The following CREB5 variants were observed in gnomAD, a reference collection of about 807,000 sequenced individuals.
CREB5 encodes cAMP responsive element binding protein 5, also known as cyclic AMP-responsive element-binding protein 5.
In CREB5, 19 loss-of-function variants were observed where a neutral mutation model predicts 57.1. The observed-to-expected ratio is 0.33, with a 90% confidence interval of 0.23 to 0.49. The LOEUF (loss-of-function observed/expected upper bound fraction) is 0.49, where lower values mean the gene tolerates loss of function less well. Among genes scored for constraint, CREB5 ranks in the 20% least tolerant of loss-of-function variants. CREB5 has a pLI of 0.99. For synonymous variants in CREB5, 238 were observed against 238.3 expected, an observed-to-expected ratio of 1.00 and a Z score of 0.01; for missense variants, 579 against 671.6, an observed-to-expected ratio of 0.86 and a Z score of 1.52.
At chr7:28,377,697 G>A (rs1035812347) in intron 1 of CREB5, among the ~76,000 whole-genome samples, 1 of 151,848 alleles carries the variant, frequency 6.6e-6, no homozygotes, top group Non-Finnish European at 1.5e-5. Flanking sequence ...GTAAGCTGAA[G>A]ATTAGAATTA....
At chr7:28,549,398 T>G (rs1195140796) in intron 4 of CREB5, among the ~76,000 whole-genome samples, 2 of 152,330 alleles carry the variant, frequency 1.3e-5, no homozygotes, top group East Asian at 1.9e-4. Context: ...ACATTAAACA[T>G]GAATGATTAG....
chr7:28,413,687 C>T (rs1787906271), intron 1 of CREB5, among the ~76,000 whole-genome samples: 1 of 152,152 alleles, frequency 6.6e-6, no homozygotes, highest in Admixed American at 6.5e-5. Flanking sequence ...TTTATTAGAA[C>T]ATTCCAACAA....
intron 1 of CREB5, among the ~76,000 whole-genome samples, chr7:28,302,525 T>A (rs1049037535): frequency 6.6e-6 from 1 of 152,192 alleles, no homozygotes; most frequent in South Asian, 2.1e-4. Flanking sequence ...CTGGAGGAGA[T>A]ATTAGATTTT....
intron 1 of CREB5, among the ~76,000 whole-genome samples, chr7:28,350,162 A>C (rs1420312646): frequency 6.6e-6 from 1 of 152,218 alleles, no homozygotes; most frequent in Non-Finnish European, 1.5e-5. Flanking sequence ...CAAGGAGTAA[A>C]CTAAGAAAAT....
In CREB5 at chr7:28,369,508, G is replaced by A. The variant is rs566335141; in HGVS notation, c.-25+70067G>A. Among the ~76,000 whole-genome samples, 4 of 152,320 alleles carry A rather than the reference G, an allele frequency of 2.6e-5. No homozygotes were observed. In the South Asian group the frequency reaches 8.3e-4, roughly 32 times the overall value. On this transcript the variant is annotated intron_variant, in intron 1 of 9. Transcript: ENST00000396299. ...TCTTTACATCCCAGTTTCCTCATAT[G>A]TAAAATGGAGATAACTTCTAGGATT...
rs139222705 is a variant in CREB5 at position 28,486,670 on chromosome 7, T to TTATATATATATATATATATATATATA, written c.4-1482_4-1481insATATATATATATATATATATATATAT. Among the ~76,000 whole-genome samples the TTATATATATATATATATATATATATA allele has an allele frequency of 7.4e-3, 654 of 88,822 alleles. 40 individuals are homozygous for TTATATATATATATATATATATATATA. The highest frequency in any genetic ancestry group is 8.9e-3 in the Non-Finnish European group (384 of 43,164). The allele number at this position is 88,822 out of a possible 152,430, so 58.3% of individuals were successfully genotyped here. A position where few individuals can be genotyped will look rare whatever the true frequency, so the allele number is the denominator to read the frequency against. On this transcript the variant is annotated intron_variant, in intron 1 of 10. Transcript: ENST00000357727. ...AACTAAACGTGTATCTCCTATGATTTTATATATATATATATATATATATGT... is the reference window on the plus strand; with the variant it reads ...AACTAAACGTGTATCTCCTATGATTTTATATATATATATATATATATATATATATATATATATATATATATATATGT...
rs141155713 is a variant in CREB5, at chr7:28,524,816, T to C, written c.291+17079T>C. On this transcript the variant is annotated intron_variant, in intron 4 of 10. Coordinates refer to ENST00000357727, the MANE Select transcript of CREB5 (RefSeq NM_182898.4). ...TATTTAGGCTATTACCTTAAACATT[T>C]ACCATTTCTTTGGAGAACATTTCAA... Among the ~76,000 whole-genome samples the C allele has an allele frequency of 7.4e-3, 1,130 of 152,350 alleles. 49 individuals carry two copies. Among genetic ancestry groups the C allele is most frequent in the Admixed American group, 0.066 (1,004 of 15,308 alleles).
chr7:28,452,874 G>A (rs1330312927), intron 1 of CREB5, among the ~76,000 whole-genome samples: 1 of 152,230 alleles, frequency 6.6e-6, no homozygotes, highest in South Asian at 2.1e-4. Flanking sequence ...ATGGATCAAG[G>A]AGGGGTGGGA....
At chr7:28,807,996 G>T (rs1583792887) in intron 8 of CREB5, among the ~76,000 whole-genome samples, 1 of 152,346 alleles carries the variant, frequency 6.6e-6, no homozygotes, top group African/African-American at 2.4e-5. Context: ...CACAGACCTT[G>T]CAAGGACTCT....
At chr7:28,539,602 G>A (rs895190125) in intron 4 of CREB5, among the ~76,000 whole-genome samples, 1 of 152,176 alleles carries the variant, frequency 6.6e-6, no homozygotes, top group Non-Finnish European at 1.5e-5. Context: ...GCAATTAAGT[G>A]TTTTTGTGGT....
intron 1 of CREB5, among the ~76,000 whole-genome samples, chr7:28,310,591 G>T (rs1001991199): frequency 6.6e-6 from 1 of 152,234 alleles, no homozygotes; most frequent in Non-Finnish European, 1.5e-5. Context: ...AATTGCAAGT[G>T]CAGGGTGATA....
chr7:28,691,410 ACT>A (rs1429909960), intron 5 of CREB5, among the ~76,000 whole-genome samples: 1 of 123,110 alleles, frequency 8.1e-6, no homozygotes, highest in East Asian at 2.1e-4. Context: ...ACAGAGCAAG[ACT>A]CTGTCTCCAA....
intron 4 of CREB5, among the ~76,000 whole-genome samples, chr7:28,519,469 G>A (rs763131532): frequency 2.0e-5 from 3 of 152,184 alleles, no homozygotes; most frequent in Non-Finnish European, 4.4e-5. Context: ...CTTTGATTTT[G>A]AAGATGGCGT....
At chr7:28,647,826 A>G (rs1798944127) in intron 5 of CREB5, among the ~76,000 whole-genome samples, 1 of 152,130 alleles carries the variant, frequency 6.6e-6, no homozygotes, top group African/African-American at 2.4e-5. Flanking sequence ...CACACCTATA[A>G]TCCCAGCACT....
At chr7:28,512,073 T>C (rs1308968001) in intron 4 of CREB5, among the ~76,000 whole-genome samples, 1 of 152,128 alleles carries the variant, frequency 6.6e-6, no homozygotes, top group Non-Finnish European at 1.5e-5. Flanking sequence ...CCCGGGTATT[T>C]GGCTTGAGCA....
intron 1 of CREB5, among the ~76,000 whole-genome samples, chr7:28,322,250 T>C (rs190715847): frequency 3.9e-5 from 6 of 152,210 alleles, no homozygotes; most frequent in Admixed American, 3.9e-4. Flanking sequence ...AATTCAGGAC[T>C]ACCCACTTAC....
At chr7:28,492,002 G>A (rs948389167) in intron 2 of CREB5, among the ~76,000 whole-genome samples, 7 of 151,748 alleles carry the variant, frequency 4.6e-5, no homozygotes, top group South Asian at 4.2e-4. Flanking sequence ...TTTTTGTCTC[G>A]TTTTGTTTTG....
At chr7:28,368,413 A>G (rs1786633486) in intron 1 of CREB5, among the ~76,000 whole-genome samples, 1 of 152,206 alleles carries the variant, frequency 6.6e-6, no homozygotes. Context: ...TAGAAAAAAG[A>G]AAAATATTCT....
At chr7:28,765,052 A>G (rs1205587659) in intron 7 of CREB5, among the ~76,000 whole-genome samples, 1 of 152,242 alleles carries the variant, frequency 6.6e-6, no homozygotes, top group African/African-American at 2.4e-5. Context: ...AAATGATGAC[A>G]AAGATGAGCT....
Sources: gnomAD v4.1 joint callset for allele counts (sites outside exome capture counted in the v4.1 genomes callset) on GRCh38, gnomAD v4.1.1 for gene constraint, MANE v1.5 for transcripts, NCBI Gene and HGNC (gene_info 2026-07-23, HGNC 2026-07-21) for gene names.